EYS: variants seen among roughly 807,000 people sequenced by gnomAD.
The protein encoded by EYS is protein eyes shut homolog.
In EYS, 250 loss-of-function variants were observed where a neutral mutation model predicts 282.1. That is an observed-to-expected ratio of 0.89 (90% confidence interval 0.80 to 0.98). The LOEUF (loss-of-function observed/expected upper bound fraction) is 0.98. Ranked by LOEUF, EYS falls within the 50% of genes least tolerant of loss-of-function variation. The pLI, the probability that EYS is intolerant of heterozygous loss-of-function variation, is 0.00. For synonymous variants in EYS, 1,355 were observed against 1,282.9 expected, an observed-to-expected ratio of 1.06 and a Z score of -1.20; for missense variants, 4,016 against 3,709.0, an observed-to-expected ratio of 1.08 and a Z score of -2.15.
At chr6:64,589,017 A>C (rs921906964) in intron 26 of EYS, among the ~76,000 whole-genome samples, 1 of 152,036 alleles carries the variant, frequency 6.6e-6, no homozygotes, top group Non-Finnish European at 1.5e-5. Context: ...TATTTCCAAG[A>C]GGTGGCTATG....
chr6:64,065,455 C>A (rs1284201838), intron 33 of EYS, among the ~76,000 whole-genome samples: 1 of 151,870 alleles, frequency 6.6e-6, no homozygotes, highest in Admixed American at 6.6e-5. Flanking sequence ...TTAGTAATGC[C>A]CCTGAGATGT....
intron 26 of EYS, among the ~76,000 whole-genome samples, chr6:64,515,168 G>C (rs1187548941): frequency 1.3e-5 from 2 of 151,518 alleles, no homozygotes; most frequent in African/African-American, 2.4e-5. Context: ...AATGTATTTT[G>C]ACTGTACATT....
At position 63,794,956 on chromosome 6, in the gene EYS, T is replaced by A. The variant is rs142882060; in HGVS notation, c.7412-5732A>T. On this transcript the variant is annotated intron_variant, in intron 37 of 42. Coordinates refer to ENST00000503581, the MANE Select transcript of EYS (RefSeq NM_001142800.2). ...CTAAGAAGAAAGGACTTAGAGAGATTATGTTGTGCAAGTAGTAAAAAGAGG... is the reference window on the plus strand; with the variant it reads ...CTAAGAAGAAAGGACTTAGAGAGATAATGTTGTGCAAGTAGTAAAAAGAGG... 1.6e-4 allele frequency among the ~76,000 whole-genome samples: 25 copies of A among 152,292 alleles called. No homozygotes were observed. In the East Asian group the frequency reaches 4.2e-3, roughly 26 times the overall value.
chr6:64,699,878 G>A lies in EYS; in HGVS notation c.3444-73633C>T, dbSNP rs142399209. On this transcript the variant is annotated intron_variant, in intron 22 of 42. Coordinates refer to ENST00000503581, the MANE Select transcript of EYS (RefSeq NM_001142800.2). ...GTATTTTGATGTCAAGGCCGGAAAG[G>A]GACACAACACTAACAAACAAAAGTA... is the stretch of plus-strand genomic sequence containing the variant. 1.1e-3 allele frequency among the ~76,000 whole-genome samples: 170 copies of A among 151,858 alleles called. 1 individual carries two copies. Among genetic ancestry groups the A allele is most frequent in the Middle Eastern group, 6.8e-3 (2 of 294 alleles).
intron 37 of EYS, among the ~76,000 whole-genome samples, chr6:63,800,950 GAC>G (rs757451922): frequency 4.6e-4 from 70 of 152,322 alleles, no homozygotes; most frequent in Non-Finnish European, 8.4e-4. Flanking sequence ...AGAAGTGGGG[GAC>G]ACAGTCACAT....
intron 31 of EYS, among the ~76,000 whole-genome samples, chr6:64,101,586 G>T (rs1284616873): frequency 1.3e-5 from 2 of 151,936 alleles, no homozygotes; most frequent in Non-Finnish European, 2.9e-5. Context: ...TGTTTGTTAG[G>T]TTTATCGGTA....
chr6:65,210,187 T>C lies in EYS; in HGVS notation c.2023+85676A>G, dbSNP rs1346425124. Reference sequence around the variant, plus strand: ...ACAGGCATAGGATTGAATTCTAAAATTTTAAAGTGCTTTAGAATTGACAAA... The same window carrying C: ...ACAGGCATAGGATTGAATTCTAAAACTTTAAAGTGCTTTAGAATTGACAAA... On this transcript the variant is annotated intron_variant, in intron 12 of 42. Transcript: ENST00000503581. Among the ~76,000 whole-genome samples, 9 of 152,114 alleles carry C rather than the reference T, an allele frequency of 5.9e-5. No individual in the cohort carries two copies. The South Asian group carries it at 1.2e-3, about 21-fold the overall frequency.
At chr6:65,677,187 C>T (rs1768647507) in intron 1 of EYS, among the ~76,000 whole-genome samples, 1 of 148,046 alleles carries the variant, frequency 6.8e-6, no homozygotes, top group African/African-American at 2.5e-5. Context: ...CTTATCACTT[C>T]TATTCAACAT....
At chr6:64,098,156 GT>G (rs1254678890) in intron 31 of EYS, among the ~76,000 whole-genome samples, 1 of 152,048 alleles carries the variant, frequency 6.6e-6, no homozygotes, top group African/African-American at 2.4e-5. Flanking sequence ...ACTATCAATC[GT>G]TTTCCTAGAT....
At chr6:64,741,422 C>T (rs938346774) in intron 22 of EYS, among the ~76,000 whole-genome samples, 1 of 152,066 alleles carries the variant, frequency 6.6e-6, no homozygotes. Context: ...TCTTAAGGGC[C>T]TTACGATTTT....
chr6:65,189,888 T>C (rs1405453384), intron 12 of EYS, among the ~76,000 whole-genome samples: 2 of 151,608 alleles, frequency 1.3e-5, no homozygotes, highest in African/African-American at 4.8e-5. Flanking sequence ...CAGATAAACA[T>C]AAGAGCAAAA....
intron 22 of EYS, chr6:64,731,114 A>G (rs1295202511): frequency 6.6e-6 from 1 of 152,214 alleles, no homozygotes; most frequent in African/African-American, 2.4e-5. Context: ...CTTATACCTT[A>G]TACAAAAATT....
intron 31 of EYS, among the ~76,000 whole-genome samples, chr6:64,193,597 C>T (rs971121343): frequency 6.6e-6 from 1 of 152,042 alleles, no homozygotes; most frequent in African/African-American, 2.4e-5. Context: ...GTGTACTGCA[C>T]CCGTTAACTC....
chr6:65,023,370 T>C (rs1239541337), intron 13 of EYS, among the ~76,000 whole-genome samples: 2 of 152,156 alleles, frequency 1.3e-5, no homozygotes, highest in African/African-American at 4.8e-5. Flanking sequence ...TCTCCACCAC[T>C]GGAACAGATA....
At chr6:63,731,767 A>G (rs1183745869) in intron 41 of EYS, among the ~76,000 whole-genome samples, 1 of 152,194 alleles carries the variant, frequency 6.6e-6, no homozygotes, top group Non-Finnish European at 1.5e-5. Flanking sequence ...TCAAAAATTA[A>G]TAGTTTGTCC....
At position 64,386,814 on chromosome 6, in the gene EYS, T is replaced by C. The variant is rs375078586; in HGVS notation, c.6078+1876A>G. 2.0e-5 allele frequency among the ~76,000 whole-genome samples: 3 copies of C among 152,308 alleles called. No homozygotes were observed. The South Asian group carries it at 6.2e-4, about 32-fold the overall frequency. On this transcript the variant is annotated intron_variant, in intron 29 of 42. Transcript: ENST00000503581. ...CACCCTTATTGCCAAAATACCTTTT[T>C]TGTTTAATTATTCTGAACAAACCTG...
At chr6:64,475,731 G>A (rs1315587707) in intron 26 of EYS, among the ~76,000 whole-genome samples, 2 of 39,564 alleles carry the variant, frequency 5.1e-5, no homozygotes, top group African/African-American at 2.0e-4. Context: ...TTTTTAAAAT[G>A]GTAAAAGGAA....
intron 37 of EYS, among the ~76,000 whole-genome samples, chr6:63,802,164 T>C (rs917347739): frequency 2.6e-5 from 4 of 152,244 alleles, no homozygotes; most frequent in Non-Finnish European, 5.9e-5. Context: ...CATAGCTTTA[T>C]GCTATATAAA....
chr6:64,487,432 CTATT>C (rs1290569475), intron 26 of EYS, among the ~76,000 whole-genome samples: 1 of 150,908 alleles, frequency 6.6e-6, no homozygotes, highest in Non-Finnish European at 1.5e-5. Context: ...CATATCTAAT[CTATT>C]TAGGTCATTT....
Sources: gnomAD v4.1 joint callset for allele counts (sites outside exome capture counted in the v4.1 genomes callset) on GRCh38, gnomAD v4.1.1 for gene constraint, MANE v1.5 for transcripts, NCBI Gene and HGNC (gene_info 2026-07-23, HGNC 2026-07-21) for gene names.